Variants in RSPH6A observed in about 807,000 individuals in gnomAD.
The protein encoded by RSPH6A is radial spoke head 6 homolog A, also known as radial spoke head protein 6 homolog A.
A neutral mutation model predicts 66.1 loss-of-function variants in RSPH6A; 49 were observed. The ratio of observed to expected loss-of-function variants is 0.74; its 90% CI spans 0.59 to 0.94. The LOEUF is 0.94. Ranked by LOEUF, RSPH6A falls within the 40% of genes least tolerant of loss-of-function variation. The pLI is 0.00. For missense variants in RSPH6A, 977 were observed against 948.3 expected, an observed-to-expected ratio of 1.03 and a Z score of -0.40; for synonymous variants, 419 against 402.4, an observed-to-expected ratio of 1.04 and a Z score of -0.49.
rs1337662846 is a variant in RSPH6A at position 45,804,593 on chromosome 19, A to T, written c.1312T>A (p.Trp438Arg). 1 of 1,614,074 alleles carries T rather than the reference A, an allele frequency of 6.2e-7. No homozygotes were observed. The highest frequency in any genetic ancestry group is 1.3e-5 in the African/African-American group (1 of 74,942). The change falls in exon 3 of 6, where the codon TGG (tryptophan) becomes AGG (arginine). Residue 438 changes from tryptophan (W) to arginine (R), a missense_variant. Coordinates refer to ENST00000221538, the MANE Select transcript of RSPH6A (RefSeq NM_030785.4). This position sits in a 1 kb window ranked among gnomAD's most constrained non-coding sequence, Gnocchi z 5.8. The part of the protein sequence containing the change: ...YFVCNEPGLP[W>R]TRLPHVTPAQ... Reference sequence around the variant, plus strand: ...GGAGTGACGTGGGGCAGCCGCGTCCATGGCAGGCCCGGCTCGTTGCACACA... The same window carrying T: ...GGAGTGACGTGGGGCAGCCGCGTCCTTGGCAGGCCCGGCTCGTTGCACACA...
chr19:45,813,634 C>T (rs541953946), intron 1 of RSPH6A, among the ~76,000 whole-genome samples: 6 of 152,334 alleles, frequency 3.9e-5, no homozygotes, highest in African/African-American at 7.2e-5. Context: ...CGTGAGCCAC[C>T]GCACCTGGTT....
intron 4 of RSPH6A, among the ~76,000 whole-genome samples, chr19:45,801,122 C>A (rs2146282480): frequency 6.6e-6 from 1 of 152,222 alleles, no homozygotes; most frequent in South Asian, 2.1e-4. Flanking sequence ...TCTATGTGGC[C>A]CCAGGAAGCC....
In RSPH6A at chr19:45,804,734, C is replaced by G. The variant is rs1348244681; in HGVS notation, c.1171G>C (p.Glu391Gln). ...GEVMEAHGEE[E>Q]GEEDEEKAVD... Reference sequence around the variant, plus strand: ...GCCTTCTCCTCGTCCTCCTCGCCCTCCTCCTCGCCGTGCGCCTCCATGACC... The same window carrying G: ...GCCTTCTCCTCGTCCTCCTCGCCCTGCTCCTCGCCGTGCGCCTCCATGACC... The change falls in exon 3 of 6, where the codon GAG (glutamate) becomes CAG (glutamine). Residue 391 changes from glutamate to glutamine, a missense_variant. By Grantham distance (29) the Glu-to-Gln change is conservative (BLOSUM62 2). Coordinates refer to ENST00000221538, the MANE Select transcript of RSPH6A (RefSeq NM_030785.4). The surrounding 1 kb of genome is among the most constrained non-coding windows in gnomAD (Gnocchi z 5.8). 6 of 1,613,288 alleles carry G rather than the reference C, an allele frequency of 3.7e-6. No homozygotes were observed. Among genetic ancestry groups the G allele is most frequent in the Admixed American group, 1.7e-5 (1 of 59,842 alleles).
At chr19:45,814,459 C>G in intron 1 of RSPH6A, 68 bp downstream of exon 1, 1 of 1,395,242 alleles carries the variant, frequency 7.2e-7, no homozygotes, top group Non-Finnish European at 9.5e-7. Context: ...CTGACTGAGG[C>G]AGGCACTTCG....
chr19:45,814,801 C>T lies in RSPH6A; in HGVS notation c.376G>A (p.Gly126Ser), dbSNP rs748570980. ...TSLMLQRLQQ[G>S]QSSLFQQLDP... ...AGTTGCTGGAACAGGCTGCTTTGGC[C>T]CTGCTGGAGCCGCTGCAGCATTAGG... The change falls in exon 1 of 6, where the codon GGC (glycine) becomes AGC (serine). Residue 126 changes from glycine (G) to serine (S), a missense_variant. Coordinates refer to ENST00000221538, the MANE Select transcript of RSPH6A (RefSeq NM_030785.4). 1 of 1,613,874 alleles carries T rather than the reference C, an allele frequency of 6.2e-7. No homozygotes were observed. Among genetic ancestry groups the T allele is most frequent in the Non-Finnish European group, 8.5e-7 (1 of 1,179,876 alleles).
At position 45,804,504 on chromosome 19, in the gene RSPH6A, G is replaced by C. The variant is rs1970514130; in HGVS notation, c.1401C>G (p.Val467=). The C allele has an allele frequency of 1.2e-6, 2 of 1,614,212 alleles. No homozygotes were observed. Among genetic ancestry groups the C allele is most frequent in the East Asian group, 4.5e-5 (2 of 44,882 alleles). The change falls in exon 3 of 6, where the codon GTC becomes GTG. Residue 467 remains valine (V), a synonymous_variant. Transcript: ENST00000221538. The surrounding 1 kb of genome is among the most constrained non-coding windows in gnomAD (Gnocchi z 5.8). Reference sequence around the variant, plus strand: ...TGCCCGGGAAGGGTGGGTAGCTGACGACTGGCGTGTCCAGGTAGCCTGTGA... The same window carrying C: ...TGCCCGGGAAGGGTGGGTAGCTGACCACTGGCGTGTCCAGGTAGCCTGTGA... The part of the protein sequence containing the change: ...KFFTGYLDTP[V]VSYPPFPGNE...
At position 45,815,287 on chromosome 19, in the gene RSPH6A, A is replaced by T; in HGVS notation, c.-111T>A. 3.9e-6 allele frequency: 5 copies of T among 1,269,776 alleles called. No individual in the cohort carries two copies. Among genetic ancestry groups the T allele is most frequent in the Non-Finnish European group, 5.3e-6 (5 of 947,698 alleles). The allele number at this position is 1,269,776 out of a possible 1,614,324, so 78.7% of individuals were successfully genotyped here. ...CTGAGCACCGAGAGAGGGGGCCGTTACCCGTGGAGGGCGCGGGGAGCGGGC... is the reference window on the plus strand; with the variant it reads ...CTGAGCACCGAGAGAGGGGGCCGTTTCCCGTGGAGGGCGCGGGGAGCGGGC... On this transcript the variant is annotated 5_prime_UTR_variant, in exon 1 of 6. Coordinates refer to ENST00000221538, the MANE Select transcript of RSPH6A (RefSeq NM_030785.4).
chr19:45,802,273 G>C lies in RSPH6A; in HGVS notation c.1654-9C>G, dbSNP rs758232750. On this transcript the variant is annotated splice_polypyrimidine_tract_variant and intron_variant, in intron 3 of 5. Coordinates refer to ENST00000221538, the MANE Select transcript of RSPH6A (RefSeq NM_030785.4). ...ACCCAAGTGCAGCGGCCCTGGGGGT[G>C]GGGGGAAGCTCAGGTGATGGCCCCA... 2.7e-5 allele frequency: 37 copies of C among 1,366,380 alleles called. No homozygotes were observed. The highest frequency in any genetic ancestry group is 8.2e-5 in the Admixed American group (3 of 36,648). 84.6% of individuals were successfully genotyped at this position (1,366,380 alleles called of 1,614,324 possible). A position where few individuals can be genotyped will look rare whatever the true frequency, so the allele number is the denominator to read the frequency against.
At chr19:45,799,274 A>AGG (rs35902819) in intron 5 of RSPH6A, among the ~76,000 whole-genome samples, 48,815 of 152,074 alleles carry the variant, frequency 0.32, 8,019 homozygotes, top group Non-Finnish European at 0.35. Flanking sequence ...AGCAGGGCAG[A>AGG]GGGCTGCCAG....
At position 45,795,749 on chromosome 19, in the gene RSPH6A, C is replaced by G. The variant is rs924981066; in HGVS notation, c.*120G>C. On this transcript the variant is annotated 3_prime_UTR_variant, in exon 6 of 6. Transcript: ENST00000221538. ...AATTTTATTTGAAGCAGTTGCCTTCCTTTTCTATCCCTGCCCTCTGGGGAC... is the reference window on the plus strand; with the variant it reads ...AATTTTATTTGAAGCAGTTGCCTTCGTTTTCTATCCCTGCCCTCTGGGGAC... 2.1e-6 allele frequency: 2 copies of G among 935,836 alleles called. No homozygotes were observed. Among genetic ancestry groups the G allele is most frequent in the Non-Finnish European group, 3.2e-6 (2 of 623,812 alleles). 58.0% of individuals were successfully genotyped at this position (935,836 alleles called of 1,614,324 possible).
chr19:45,815,278 G>T lies in RSPH6A; in HGVS notation c.-102C>A. 1 of 1,324,970 alleles carries T rather than the reference G, an allele frequency of 7.5e-7. No individual in the cohort carries two copies. The highest frequency in any genetic ancestry group is 1.5e-5 in the African/African-American group (1 of 67,506). The allele number at this position is 1,324,970 out of a possible 1,614,324, so 82.1% of individuals were successfully genotyped here. ...CGCCGGTTTCTGAGCACCGAGAGAG[G>T]GGGCCGTTACCCGTGGAGGGCGCGG... is the stretch of plus-strand genomic sequence containing the variant. On this transcript the variant is annotated 5_prime_UTR_variant, in exon 1 of 6. Coordinates refer to ENST00000221538, the MANE Select transcript of RSPH6A (RefSeq NM_030785.4).
At chr19:45,810,208 T>C (rs995775532) in intron 2 of RSPH6A, among the ~76,000 whole-genome samples, 3 of 148,940 alleles carry the variant, frequency 2.0e-5, no homozygotes, top group South Asian at 2.1e-4. Flanking sequence ...CTCGCTCTGT[T>C]GCCCAGGCTG....
chr19:45,813,603 C>T (rs1568602261), intron 1 of RSPH6A, among the ~76,000 whole-genome samples: 1 of 152,246 alleles, frequency 6.6e-6, no homozygotes, highest in Non-Finnish European at 1.5e-5. Flanking sequence ...TCTTGGCCTC[C>T]TCAAGTGCTG....
At position 45,810,796 on chromosome 19, in the gene RSPH6A, C is replaced by T. The variant is rs756155161; in HGVS notation, c.695G>A (p.Arg232Gln). ...VNLLTKILNQRPEDPLSVLES... is the reference protein window; with the variant it reads ...VNLLTKILNQQPEDPLSVLES... ...CAGGACAGACAAGGGGTCCTCAGGCCGCTGGTTCAGGATCTTGGTCAGCAG... is the reference window on the plus strand; with the variant it reads ...CAGGACAGACAAGGGGTCCTCAGGCTGCTGGTTCAGGATCTTGGTCAGCAG... Residue 232 changes from arginine (R) to glutamine (Q), a missense_variant, in exon 2 of 6, where the codon CGG becomes CAG. Physicochemically the swap from Arg to Gln is conservative, Grantham distance 43. Transcript: ENST00000221538. The T allele has an allele frequency of 9.3e-6, 15 of 1,613,236 alleles. No individual in the cohort carries two copies. Among genetic ancestry groups the T allele is most frequent in the East Asian group, 2.2e-5 (1 of 44,864 alleles).
Position 45,815,124 on chromosome 19 carries a change from C to T in RSPH6A, c.53G>A (p.Arg18Gln), listed in dbSNP as rs748158807. The T allele has an allele frequency of 3.4e-5, 55 of 1,611,744 alleles. No homozygotes were observed. The highest frequency in any genetic ancestry group is 1.4e-5 in the Non-Finnish European group (16 of 1,179,936). ...CCTCTGGGAGGCCTGAGAAGTCCTC[C>T]GGCCCGGAGGCTGCTGGGCAGGGCG... Reference protein sequence around the residue: ...PERPAQQPPGRRTSQASQRRH... With the variant: ...PERPAQQPPGQRTSQASQRRH... The change falls in exon 1 of 6, where the codon CGG becomes CAG. Residue 18 changes from arginine to glutamine, a missense_variant. Physicochemically the swap from Arg to Gln is conservative, Grantham distance 43 (BLOSUM62 1). Transcript: ENST00000221538.
chr19:45,804,193 G>T lies in RSPH6A; in HGVS notation c.1653+59C>A, dbSNP rs536248052. 421 of 1,364,332 alleles carry T rather than the reference G, an allele frequency of 3.1e-4. 4 individuals are homozygous for T. In the South Asian group the frequency reaches 4.2e-3, roughly 14 times the overall value. 84.5% of individuals were successfully genotyped at this position (1,364,332 alleles called of 1,614,324 possible). Reference sequence around the variant, plus strand: ...TAAGAGCTTGATGTCAGTATTGCAGGGTCATGCGTGAGCCCCCTGCTCCTG... The same window carrying T: ...TAAGAGCTTGATGTCAGTATTGCAGTGTCATGCGTGAGCCCCCTGCTCCTG... On this transcript the variant is annotated intron_variant, in intron 3 of 5. Transcript: ENST00000221538. The surrounding 1 kb of genome is among the most constrained non-coding windows in gnomAD (Gnocchi z 5.8).
chr19:45,811,313 G>A (rs2146289475), intron 1 of RSPH6A, among the ~76,000 whole-genome samples: 1 of 152,064 alleles, frequency 6.6e-6, no homozygotes, highest in East Asian at 1.9e-4. Context: ...GGTGGAAACA[G>A]ACACTAATCA....
chr19:45,797,846 C>T (rs142530109), intron 5 of RSPH6A, among the ~76,000 whole-genome samples: 335 of 151,680 alleles, frequency 2.2e-3, no homozygotes, highest in African/African-American at 7.5e-3. Flanking sequence ...CCAGCCTGGG[C>T]GACACAGCGA....
At chr19:45,797,537 T>C (rs530812407) in intron 5 of RSPH6A, among the ~76,000 whole-genome samples, 44 of 152,160 alleles carry the variant, frequency 2.9e-4, no homozygotes, top group Admixed American at 1.1e-3. Flanking sequence ...ATGTGGGACA[T>C]AAATAAAATT....
Sources: allele counts gnomAD v4.1 joint callset (sites outside exome capture counted in the v4.1 genomes callset), GRCh38; gene constraint gnomAD v4.1.1; non-coding constraint Gnocchi (gnomAD v3.1); transcripts MANE v1.5; gene names NCBI Gene and HGNC (gene_info 2026-07-23, HGNC 2026-07-21).